CCDC138: variants seen among roughly 807,000 people sequenced by gnomAD.
CCDC138 encodes the protein coiled-coil domain containing 138.
CCDC138 carries 66 observed loss-of-function variants against 82.3 expected under a neutral mutation model. That is an observed-to-expected ratio of 0.80 (90% CI 0.66 to 0.98). The LOEUF (loss-of-function observed/expected upper bound fraction) is 0.98. CCDC138 is among the 50% of genes least tolerant of loss of function. CCDC138 has a pLI of 0.00. For synonymous variants in CCDC138, 297 were observed against 265.4 expected, an observed-to-expected ratio of 1.12 and a Z score of -1.16; for missense variants, 816 against 758.9, an observed-to-expected ratio of 1.08 and a Z score of -0.88.
At chr2:108,808,474 C>T (rs1232298497) in intron 7 of CCDC138, among the ~76,000 whole-genome samples, 2 of 152,130 alleles carry the variant, frequency 1.3e-5, no homozygotes, top group East Asian at 1.9e-4. Flanking sequence ...TTTATATCCC[C>T]ACCAACAATG....
chr2:108,860,836 C>T (rs1340460318), intron 13 of CCDC138, among the ~76,000 whole-genome samples: 1 of 151,144 alleles, frequency 6.6e-6, no homozygotes, highest in African/African-American at 2.4e-5. Flanking sequence ...AGGGAGGAGT[C>T]CCTCCTCCTC....
downstream of CCDC138, chr2:108,878,452 C>G (rs560566485): frequency 4.6e-6 from 1 of 216,022 alleles, no homozygotes; most frequent in East Asian, 1.1e-4. Context: ...AGGAACCACG[C>G]TGGGTCTGTA....
At chr2:108,846,676 CA>C (rs940948258) in intron 11 of CCDC138, 61 bp from the exon 12 acceptor site, 578 of 1,412,758 alleles carry the variant, frequency 4.1e-4, no homozygotes, top group South Asian at 4.7e-4. Flanking sequence ...GACTGTGTCT[CA>C]AAAAAAAAGA....
intron 12 of CCDC138, among the ~76,000 whole-genome samples, chr2:108,856,277 C>T (rs941946573): frequency 5.1e-5 from 7 of 136,374 alleles, no homozygotes; most frequent in Admixed American, 1.6e-4. Flanking sequence ...AACTGACACA[C>T]CAGAGCATAT....
intron 14 of CCDC138, 159 bp from the exon 15 acceptor site, chr2:108,875,928 GT>G (rs1481184518): frequency 1.8e-5 from 3 of 163,522 alleles, no homozygotes; most frequent in African/African-American, 7.2e-5. Context: ...AACCTATTTT[GT>G]TTGTTTCAGC....
chr2:108,846,667 A>T, intron 11 of CCDC138, 71 bp from the exon 12 acceptor site: 1 of 1,360,064 alleles, frequency 7.4e-7, no homozygotes, highest in Non-Finnish European at 1.0e-6. Context: ...ACAGAGCAAG[A>T]CTGTGTCTCA....
chr2:108,838,680 G>A (rs1688971570), intron 10 of CCDC138, among the ~76,000 whole-genome samples: 1 of 152,060 alleles, frequency 6.6e-6, no homozygotes, highest in African/African-American at 2.4e-5. Context: ...TGCATGCAAT[G>A]TAGACATATA....
intron 1 of CCDC138, chr2:108,882,658 C>G (rs1209140118): frequency 1.3e-5 from 2 of 152,304 alleles, no homozygotes; most frequent in Non-Finnish European, 2.9e-5. Flanking sequence ...TTCCCATCCC[C>G]TTTCCTTTTC....
chr2:108,846,656 A>G, intron 11 of CCDC138, 82 bp from the exon 12 acceptor site: 1 of 1,257,618 alleles, frequency 8.0e-7, no homozygotes, highest in Non-Finnish European at 1.1e-6. Context: ...CAACCTGGGC[A>G]ACAGAGCAAG....
chr2:108,843,844 T>TGTGTGTGTG (rs1689930793), intron 11 of CCDC138, among the ~76,000 whole-genome samples: 1 of 22,808 alleles, frequency 4.4e-5, no homozygotes, highest in African/African-American at 6.5e-5. Flanking sequence ...AGTTCATGTT[T>TGTGTGTGTG]TGTGTGTGTG....
At chr2:108,863,652 G>C (rs1198661353) in intron 13 of CCDC138, among the ~76,000 whole-genome samples, 1 of 152,100 alleles carries the variant, frequency 6.6e-6, no homozygotes. Context: ...CATAACCTTT[G>C]TTTTTAATTA....
chr2:108,860,934 A>ATTTTTTTTTTT (rs1204225298), intron 13 of CCDC138, among the ~76,000 whole-genome samples: 2 of 11,418 alleles, frequency 1.8e-4, no homozygotes, highest in Non-Finnish European at 2.7e-4. Flanking sequence ...CTGGTCCAGG[A>ATTTTTTTTTTT]CTTTTTTTTT....
At chr2:108,850,434 G>A (rs1691264117) in intron 12 of CCDC138, among the ~76,000 whole-genome samples, 1 of 151,884 alleles carries the variant, frequency 6.6e-6, no homozygotes, top group Admixed American at 6.6e-5. Context: ...TATAATACTT[G>A]GCGAGTTTTT....
At chr2:108,861,464 C>G (rs1693591275) in intron 13 of CCDC138, among the ~76,000 whole-genome samples, 1 of 127,716 alleles carries the variant, frequency 7.8e-6, no homozygotes. Context: ...GCACTATAAA[C>G]TTTCTTCCTT....
downstream of CCDC138, among the ~76,000 whole-genome samples, chr2:108,881,352 A>G (rs1297269136): frequency 6.6e-6 from 1 of 152,232 alleles, no homozygotes; most frequent in East Asian, 1.9e-4. Flanking sequence ...GAAGAGAGTT[A>G]GGGCCTTGCT....
At chr2:108,829,083 T>G (rs1230403253) in intron 10 of CCDC138, among the ~76,000 whole-genome samples, 2 of 152,162 alleles carry the variant, frequency 1.3e-5, no homozygotes, top group Admixed American at 1.3e-4. Flanking sequence ...GATATTAGAT[T>G]TGGCAGTGAT....
chr2:108,880,067 C>T (rs940623305), downstream of CCDC138, among the ~76,000 whole-genome samples: 2 of 151,694 alleles, frequency 1.3e-5, no homozygotes, highest in African/African-American at 4.8e-5. Context: ...AGAAACAAAT[C>T]CAAAGCAAAA....
chr2:108,807,028 A>G (rs1050294828), intron 7 of CCDC138, among the ~76,000 whole-genome samples: 10 of 152,154 alleles, frequency 6.6e-5, no homozygotes, highest in Non-Finnish European at 7.3e-5. Flanking sequence ...TAAGGTGCTT[A>G]CTCCTCAGTT....
At chr2:108,805,071 C>G in intron 7 of CCDC138, 63 bp downstream of exon 7, 2 of 925,862 alleles carry the variant, frequency 2.2e-6, no homozygotes, top group Non-Finnish European at 2.9e-6. Context: ...TTATATATAA[C>G]AAATTAAAGT....
Sources: allele counts gnomAD v4.1 joint callset (sites outside exome capture counted in the v4.1 genomes callset), GRCh38; gene constraint gnomAD v4.1.1; transcripts MANE v1.5; gene names NCBI Gene and HGNC (gene_info 2026-07-23, HGNC 2026-07-21).